Variants in PSME4 observed in about 807,000 individuals in gnomAD.
PSME4 encodes the protein proteasome activator complex subunit 4.
In PSME4, 89 loss-of-function variants were observed where a neutral mutation model predicts 253.9. The observed-to-expected ratio is 0.35, with a 90% CI of 0.30 to 0.42. The LOEUF (loss-of-function observed/expected upper bound fraction) is 0.42. Among genes scored for constraint, PSME4 ranks in the 10% least tolerant of loss-of-function variants. The pLI is 1.00. For missense variants in PSME4, 2,014 were observed against 2,195.2 expected (o/e 0.92, Z 1.65); for synonymous variants, 851 against 759.2 (o/e 1.12, Z -1.99).
chr2:53,941,973 C>T (rs543580925), intron 3 of PSME4, among the ~76,000 whole-genome samples: 8 of 152,120 alleles, frequency 5.3e-5, no homozygotes, highest in East Asian at 1.9e-4. Context: ...GTTCCCTTCA[C>T]GCTTCAGAAG....
At chr2:53,969,687 G>GTTT (rs61560289) in intron 1 of PSME4, among the ~76,000 whole-genome samples, 29 of 138,958 alleles carry the variant, frequency 2.1e-4, no homozygotes, top group Non-Finnish European at 3.3e-4. Flanking sequence ...ATTTTCACTC[G>GTTT]TTTTTTTTTT....
chr2:53,882,261 G>A (rs576737744), intron 41 of PSME4, among the ~76,000 whole-genome samples: 123 of 152,272 alleles, frequency 8.1e-4, no homozygotes, highest in Admixed American at 2.2e-3. Flanking sequence ...CATTAATGAA[G>A]AGGAACATGT....
chr2:53,873,190 G>A (rs1384822238), intron 43 of PSME4, among the ~76,000 whole-genome samples: 1 of 142,610 alleles, frequency 7.0e-6, no homozygotes, highest in East Asian at 2.2e-4. Flanking sequence ...GCAGTGAGCT[G>A]AGAGCGTGCC....
chr2:53,903,326 T>C (rs546837446), intron 27 of PSME4, among the ~76,000 whole-genome samples: 1 of 152,292 alleles, frequency 6.6e-6, no homozygotes, highest in South Asian at 2.1e-4. Context: ...AGTTGTACGA[T>C]CCAAAAGCTT....
chr2:53,906,919 C>T lies in PSME4; in HGVS notation c.2785-51G>A, dbSNP rs766898736. ...CTTCAACATTTTCCCTAAATGACTT[C>T]AACAATGGATGCCTCTAAATACCTT... is the stretch of plus-strand genomic sequence containing the variant. On this transcript the variant is annotated intron_variant, in intron 24 of 46. Coordinates refer to ENST00000404125, the MANE Select transcript of PSME4 (RefSeq NM_014614.3). The T allele has an allele frequency of 7.1e-6, 11 of 1,542,086 alleles. No individual in the cohort carries two copies. In the South Asian group the frequency reaches 9.0e-5, roughly 13 times the overall value.
intron 1 of PSME4, among the ~76,000 whole-genome samples, chr2:53,955,432 C>G (rs900204105): frequency 6.6e-6 from 1 of 152,062 alleles, no homozygotes; most frequent in African/African-American, 2.4e-5. Context: ...TTATGTGTGG[C>G]CCAAGACAAT....
rs553798301 is a variant in PSME4, at chr2:53,884,455, C to T, written c.4815+1235G>A. Among the ~76,000 whole-genome samples the T allele has an allele frequency of 5.3e-5, 8 of 152,262 alleles. No homozygotes were observed. In the South Asian group the frequency reaches 8.3e-4, roughly 16 times the overall value. On this transcript the variant is annotated intron_variant, in intron 41 of 46. Transcript: ENST00000404125. The stretch of plus-strand genomic sequence containing the variant: ...CGATCTCTTGACCTTGTGATCCACC[C>T]GCCTCGGCCTCCCAAAGTGCTGGCA...
chr2:53,911,669 T>A (rs1667833500), intron 20 of PSME4, among the ~76,000 whole-genome samples: 1 of 150,678 alleles, frequency 6.6e-6, no homozygotes, highest in South Asian at 2.2e-4. Flanking sequence ...ACTGCTGCCA[T>A]AAACACTTAG....
chr2:53,959,136 G>A (rs974219353), intron 1 of PSME4, among the ~76,000 whole-genome samples: 6 of 152,042 alleles, frequency 3.9e-5, no homozygotes, highest in African/African-American at 1.2e-4. Flanking sequence ...GGGCAACATG[G>A]CAAAACCCTA....
intron 1 of PSME4, among the ~76,000 whole-genome samples, chr2:53,950,594 C>A (rs1454874514): frequency 6.6e-6 from 1 of 151,974 alleles, no homozygotes; most frequent in African/African-American, 2.4e-5. Flanking sequence ...ATAATCCCAG[C>A]ACTTTGGGAG....
intron 1 of PSME4, among the ~76,000 whole-genome samples, chr2:53,963,348 AAAAG>A (rs1438828700): frequency 6.6e-5 from 10 of 152,064 alleles, no homozygotes. Context: ...AAACACACAA[AAAAG>A]AAAGAGCGCA....
chr2:53,930,506 C>G (rs1668774830), intron 10 of PSME4, among the ~76,000 whole-genome samples: 1 of 152,122 alleles, frequency 6.6e-6, no homozygotes, highest in Non-Finnish European at 1.5e-5. Flanking sequence ...GCCTATCTTC[C>G]CCCACTCCAT....
chr2:53,928,051 T>C, intron 11 of PSME4, 66 bp downstream of exon 11: 2 of 1,297,744 alleles, frequency 1.5e-6, no homozygotes, highest in Non-Finnish European at 2.1e-6. Flanking sequence ...CTCCAACCTT[T>C]TGTCACTGAG....
intron 3 of PSME4, among the ~76,000 whole-genome samples, chr2:53,940,850 T>A (rs1432810555): frequency 7.0e-6 from 1 of 142,044 alleles, no homozygotes; most frequent in Admixed American, 7.3e-5. Context: ...CTCAAAAAAA[T>A]TTATATATAT....
intron 10 of PSME4, among the ~76,000 whole-genome samples, chr2:53,929,878 C>G (rs995466007): frequency 1.3e-5 from 2 of 151,806 alleles, no homozygotes; most frequent in African/African-American, 4.8e-5. Flanking sequence ...ATTGGCTGGG[C>G]ATGGTGGCAG....
At chr2:53,875,275 T>C (rs1388232337) in intron 42 of PSME4, among the ~76,000 whole-genome samples, 1 of 152,086 alleles carries the variant, frequency 6.6e-6, no homozygotes, top group Non-Finnish European at 1.5e-5. Flanking sequence ...TCAGTATAGG[T>C]CTCTCTAGAA....
chr2:53,888,624 T>C (rs1432424251), intron 38 of PSME4, 97 bp downstream of exon 38: 10 of 799,392 alleles, frequency 1.3e-5, no homozygotes, highest in Non-Finnish European at 1.8e-5. Context: ...AATTACTTCA[T>C]CTAGACTTTA....
chr2:53,960,398 C>CAAAAAAA (rs1355944056), intron 1 of PSME4, among the ~76,000 whole-genome samples: 1 of 55,286 alleles, frequency 1.8e-5, no homozygotes. Flanking sequence ...GACTCCATCT[C>CAAAAAAA]AAAAAAAAAA....
At chr2:53,950,839 C>T (rs1458777701) in intron 1 of PSME4, among the ~76,000 whole-genome samples, 1 of 120,342 alleles carries the variant, frequency 8.3e-6, no homozygotes, top group African/African-American at 3.0e-5. Flanking sequence ...GAAACTCCGT[C>T]TCAAAAAAAA....
Sources: allele counts gnomAD v4.1 joint callset (sites outside exome capture counted in the v4.1 genomes callset), GRCh38; gene constraint gnomAD v4.1.1; transcripts MANE v1.5; gene names NCBI Gene and HGNC (gene_info 2026-07-23, HGNC 2026-07-21).